The following DDX55 variants were observed in gnomAD, a reference collection of about 807,000 sequenced individuals.
DDX55 encodes ATP-dependent RNA helicase DDX55.
A neutral mutation model predicts 69.2 loss-of-function variants in DDX55; 56 were observed. The ratio of observed to expected loss-of-function variants is 0.81; its 90% CI spans 0.65 to 1.01. The LOEUF (loss-of-function observed/expected upper bound fraction) is 1.01, where lower values mean the gene tolerates loss of function less well. Ranked by LOEUF, DDX55 falls within the 50% of genes least tolerant of loss-of-function variation. DDX55 has a pLI of 0.00. For synonymous variants in DDX55, 268 were observed against 273.1 expected (o/e 0.98, Z 0.18); for missense variants, 720 against 745.1 (o/e 0.97, Z 0.39).
intron 6 of DDX55, among the ~76,000 whole-genome samples, chr12:123,609,457 C>T (rs543770634): frequency 6.6e-6 from 1 of 150,942 alleles, no homozygotes; most frequent in African/African-American, 2.4e-5. Context: ...TCATTGCGAC[C>T]TTTACTTCCT....
At position 123,620,411 on chromosome 12, in the gene DDX55, G is replaced by A. The variant is rs1276742401; in HGVS notation, c.*271G>A. Reference sequence around the variant, plus strand: ...AGGCAGGAGGATCACTTGAGCCCAGGAGTTCAAGACCAGCCTGGGAACACA... The same window carrying A: ...AGGCAGGAGGATCACTTGAGCCCAGAAGTTCAAGACCAGCCTGGGAACACA... On this transcript the variant is annotated 3_prime_UTR_variant, in exon 14 of 14. Transcript: ENST00000238146. 4.1e-6 allele frequency: 1 copy of A among 244,312 alleles called. No homozygotes were observed. Among genetic ancestry groups the A allele is most frequent in the African/African-American group, 2.2e-5 (1 of 44,990 alleles). The allele number at this position is 244,312 out of a possible 1,614,324, so 15.1% of individuals were successfully genotyped here.
chr12:123,607,596 G>A lies in DDX55; in HGVS notation c.339-4G>A. ...CTTAATCAAAGGCTGTTTTCTTGTT[G>A]TAGCCAGATTCTTTGGATCGGAGGC... is the stretch of plus-strand genomic sequence containing the variant. On this transcript the variant is annotated splice_region_variant and splice_polypyrimidine_tract_variant and intron_variant, in intron 4 of 13. Transcript: ENST00000238146. The A allele has an allele frequency of 6.2e-7, 1 of 1,614,162 alleles. No homozygotes were observed. The highest frequency in any genetic ancestry group is 1.6e-4 in the Middle Eastern group (1 of 6,062).
chr12:123,619,968 C>T lies in DDX55; in HGVS notation c.1631C>T (p.Ser544Phe). 1 of 1,612,194 alleles carries T rather than the reference C, an allele frequency of 6.2e-7. No homozygotes were observed. Among genetic ancestry groups the T allele is most frequent in the Non-Finnish European group, 8.5e-7 (1 of 1,179,272 alleles). Residue 544 changes from serine to phenylalanine, a missense_variant, in exon 14 of 14, where the codon TCT (serine) becomes TTT (phenylalanine). Coordinates refer to ENST00000238146, the MANE Select transcript of DDX55 (RefSeq NM_020936.3). Reference protein sequence around the residue: ...MNEKRKREEGSDIEDEDMEEL... With the variant: ...MNEKRKREEGFDIEDEDMEEL... ...ATTGGTTTCTTCTGCACTTAGGGTT[C>T]TGATATTGAAGATGAGGACATGGAA...
At position 123,619,658 on chromosome 12, in the gene DDX55, T is replaced by C. The variant is rs1323455883; in HGVS notation, c.1560T>C (p.Ala520=). The C allele has an allele frequency of 1.9e-6, 3 of 1,607,514 alleles. No homozygotes were observed. In the African/African-American group the frequency reaches 4.0e-5, roughly 22 times the overall value. The change falls in exon 13 of 14, where the codon GCT becomes GCC. Residue 520 remains alanine (A), a synonymous_variant. Coordinates refer to ENST00000238146, the MANE Select transcript of DDX55 (RefSeq NM_020936.3). ...GAAGAAAATTCATAAAAAATAAAGCTTGGTCAAAGCAGAAGGCCAAAAAAG... is the reference window on the plus strand; with the variant it reads ...GAAGAAAATTCATAAAAAATAAAGCCTGGTCAAAGCAGAAGGCCAAAAAAG... ...EGRRKFIKNK[A]WSKQKAKKEK...
At chr12:123,615,115 C>T (rs1173711970) in intron 8 of DDX55, 70 bp from the exon 9 acceptor site, 8 of 1,599,402 alleles carry the variant, frequency 5.0e-6, no homozygotes, top group Non-Finnish European at 6.8e-6. Context: ...CTATTGCTCA[C>T]TGTTCCCCTC....
chr12:123,604,252 A>G (rs1261898186), intron 1 of DDX55, among the ~76,000 whole-genome samples: 1 of 152,068 alleles, frequency 6.6e-6, no homozygotes, highest in Non-Finnish European at 1.5e-5. Context: ...CGAAATTAAA[A>G]TAAATAATGG....
chr12:123,611,758 C>T (rs1008794784), intron 7 of DDX55, among the ~76,000 whole-genome samples: 4 of 152,064 alleles, frequency 2.6e-5, no homozygotes, highest in Non-Finnish European at 5.9e-5. Context: ...GTTGTAGTTG[C>T]CATTGATGTT....
chr12:123,618,442 T>A (rs1356684037), intron 11 of DDX55: 1 of 1,360,248 alleles, frequency 7.4e-7, no homozygotes, highest in East Asian at 2.5e-5. Flanking sequence ...GTTGCCATAC[T>A]TTGCTACCAG....
At chr12:123,617,000 A>G (rs950751533) in intron 10 of DDX55, among the ~76,000 whole-genome samples, 3 of 152,202 alleles carry the variant, frequency 2.0e-5, no homozygotes, top group Non-Finnish European at 2.9e-5. Flanking sequence ...AAAAATATAT[A>G]TACAGATTAG....
intron 1 of DDX55, 111 bp from the exon 2 acceptor site, chr12:123,605,820 T>C: frequency 7.0e-7 from 1 of 1,427,354 alleles, no homozygotes; most frequent in Non-Finnish European, 9.9e-7. Flanking sequence ...GAGCCCCTTT[T>C]GTGGTGGGAC....
At chr12:123,610,221 A>G in intron 7 of DDX55, 93 bp downstream of exon 7, 1 of 1,443,802 alleles carries the variant, frequency 6.9e-7, no homozygotes, top group Non-Finnish European at 9.2e-7. Flanking sequence ...GAGACCCTGT[A>G]GCACCTATGA....
Position 123,620,088 on chromosome 12 carries a change from G to T in DDX55, c.1751G>T (p.Arg584Ile), listed in dbSNP as rs1398036704. 6.2e-7 allele frequency: 1 copy of T among 1,614,144 alleles called. No homozygotes were observed. The highest frequency in any genetic ancestry group is 2.2e-5 in the East Asian group (1 of 44,878). The change falls in exon 14 of 14, where the codon AGA (arginine) becomes ATA (isoleucine). Residue 584 changes from arginine to isoleucine, a missense_variant. By Grantham distance (97) the Arg-to-Ile change is moderately conservative. Coordinates refer to ENST00000238146, the MANE Select transcript of DDX55 (RefSeq NM_020936.3). The stretch of plus-strand genomic sequence containing the variant: ...AAGGGCTTGTTGACAACTGGCAAAA[G>T]AACAATCAAGACAGTGGATTTAGGG... Reference protein sequence around the residue: ...FEKGLLTTGKRTIKTVDLGIS... With the variant: ...FEKGLLTTGKITIKTVDLGIS...
In DDX55 at chr12:123,602,107, C is replaced by A. The variant is rs761145800; in HGVS notation, c.-42C>A. The stretch of plus-strand genomic sequence containing the variant: ...AAGTGCTCGTTGGGGGTGCACAAGG[C>A]GCGTTCGAGCAGCGGCGACCGACGC... On this transcript the variant is annotated 5_prime_UTR_variant, in exon 1 of 14. Transcript: ENST00000238146. The A allele has an allele frequency of 6.6e-7, 1 of 1,505,680 alleles. No individual in the cohort carries two copies. The highest frequency in any genetic ancestry group is 2.0e-5 in the Admixed American group (1 of 50,206). The allele number at this position is 1,505,680 out of a possible 1,614,324, so 93.3% of individuals were successfully genotyped here.
At chr12:123,607,572 T>C in intron 4 of DDX55, 28 bp from the exon 5 acceptor site, 1 of 1,614,214 alleles carries the variant, frequency 6.2e-7, no homozygotes, top group Non-Finnish European at 8.5e-7. Flanking sequence ...TTTGTCGAAC[T>C]TAATCAAAGG....
chr12:123,610,835 C>G (rs1293975744), intron 7 of DDX55, among the ~76,000 whole-genome samples: 1 of 151,698 alleles, frequency 6.6e-6, no homozygotes, highest in African/African-American at 2.4e-5. Flanking sequence ...GGTGATCCAC[C>G]TGCCTCGGCC....
In DDX55 at chr12:123,602,489, G is replaced by A. The variant is rs929171320; in HGVS notation, c.108+233G>A. Among the ~76,000 whole-genome samples the A allele has an allele frequency of 1.9e-4, 29 of 152,224 alleles. 1 individual carries two copies. Among genetic ancestry groups the A allele is most frequent in the Admixed American group, 1.8e-3 (27 of 15,284 alleles). ...CCTCGGGTGCTGTGGTCTCAAGCCTGGTTCTCATCCTGGCCCTGCTCGCTG... is the reference window on the plus strand; with the variant it reads ...CCTCGGGTGCTGTGGTCTCAAGCCTAGTTCTCATCCTGGCCCTGCTCGCTG... On this transcript the variant is annotated intron_variant, in intron 1 of 13. Transcript: ENST00000238146.
chr12:123,608,078 C>T (rs1176545030), intron 5 of DDX55: 8 of 227,342 alleles, frequency 3.5e-5, no homozygotes, highest in Non-Finnish European at 6.1e-5. Context: ...TAACTGTTGG[C>T]GTGTAATCCA....
Position 123,602,676 on chromosome 12 carries a change from A to G in DDX55, c.108+420A>G, listed in dbSNP as rs1488275714. ...TCAGTAAGGGTTACCGTTGTTATGC[A>G]TCTCTTCAAGAATATTTCTTGAGGA... On this transcript the variant is annotated intron_variant, in intron 1 of 13. Transcript: ENST00000238146. Among the ~76,000 whole-genome samples the G allele has an allele frequency of 2.6e-5, 4 of 152,180 alleles. No individual in the cohort carries two copies. The East Asian group carries it at 5.8e-4, about 22-fold the overall frequency.
chr12:123,618,670 G>C lies in DDX55; in HGVS notation c.1166G>C (p.Cys389Ser). The change falls in exon 12 of 14, where the codon TGC (cysteine) becomes TCC (serine). Residue 389 changes from cysteine (C) to serine (S), a missense_variant and splice_region_variant. Physicochemically the swap from Cys to Ser is moderately radical, Grantham distance 112. Coordinates refer to ENST00000238146, the MANE Select transcript of DDX55 (RefSeq NM_020936.3). ...YINFLAINQK[C>S]PLQEMKPQRN... is the part of the protein sequence containing the mutation. ...AATGTGGTATGTGTGTGTGTGTAGTGCCCCCTGCAGGAGATGAAGCCCCAG... is the reference window on the plus strand; with the variant it reads ...AATGTGGTATGTGTGTGTGTGTAGTCCCCCCTGCAGGAGATGAAGCCCCAG... 6.2e-7 allele frequency: 1 copy of C among 1,613,554 alleles called. No homozygotes were observed. Among genetic ancestry groups the C allele is most frequent in the African/African-American group, 1.3e-5 (1 of 75,002 alleles).
Sources: gnomAD v4.1 joint callset for allele counts (sites outside exome capture counted in the v4.1 genomes callset) on GRCh38, gnomAD v4.1.1 for gene constraint, MANE v1.5 for transcripts, NCBI Gene and HGNC (gene_info 2026-07-23, HGNC 2026-07-21) for gene names.